The following RAB28 variants were observed in gnomAD, a reference collection of about 807,000 sequenced individuals.
RAB28 encodes ras-related protein Rab-28.
Under a neutral mutation model 31.7 loss-of-function variants are expected in RAB28, and 24 were observed. The observed-to-expected ratio is 0.76, with a 90% CI of 0.55 to 1.06. The LOEUF is 1.06. RAB28 is among the 50% of genes least tolerant of loss of function. The pLI, the probability that RAB28 is intolerant of heterozygous loss-of-function variation, is 0.00. For missense variants in RAB28, 254 were observed against 258.5 expected (o/e 0.98, Z 0.12); for synonymous variants, 100 against 90.4 (o/e 1.11, Z -0.60).
At position 13,460,630 on chromosome 4, in the gene RAB28, G is replaced by A. The variant is rs1715544697; in HGVS notation, c.391+69C>T. 3.2e-6 allele frequency: 5 copies of A among 1,574,554 alleles called. No homozygotes were observed. In the Admixed American group the frequency reaches 6.9e-5, roughly 22 times the overall value. On this transcript the variant is annotated intron_variant, in intron 4 of 6. Coordinates refer to ENST00000330852, the MANE Select transcript of RAB28 (RefSeq NM_001017979.3). ...TGACATATAAATTGGGGGTGGTGGG[G>A]GGACACAAACATTCTGTCCACAACA...
chr4:13,469,928 C>T (rs908620469), intron 3 of RAB28, among the ~76,000 whole-genome samples: 1 of 151,980 alleles, frequency 6.6e-6, no homozygotes, highest in African/African-American at 2.4e-5. Flanking sequence ...TAACTTCAAG[C>T]AATTGGCCTA....
At chr4:13,375,544 C>T (rs1239845707) in intron 6 of RAB28, among the ~76,000 whole-genome samples, 4 of 152,104 alleles carry the variant, frequency 2.6e-5, no homozygotes, top group Admixed American at 2.6e-4. Flanking sequence ...TTCCTATATT[C>T]TCCTAGGCCC....
chr4:13,419,688 G>A (rs1713005932), intron 4 of RAB28, among the ~76,000 whole-genome samples: 1 of 152,144 alleles, frequency 6.6e-6, no homozygotes, highest in Admixed American at 6.5e-5. Context: ...AAATAAAGAT[G>A]TTCTTTGAAA....
In RAB28 at chr4:13,370,145, A is replaced by G. The variant is rs577746600; in HGVS notation, c.574-1495T>C. ...CGCACACACAAACAGCAGAATGTAC[A>G]CATACAAAAGGAAAGAAAAGGAAAG... On this transcript the variant is annotated intron_variant, in intron 6 of 6. Coordinates refer to ENST00000330852, the MANE Select transcript of RAB28 (RefSeq NM_001017979.3). 2.7e-3 allele frequency: 2,652 copies of G among 979,800 alleles called. 4 individuals carry two copies. The highest frequency in any genetic ancestry group is 3.0e-3 in the Non-Finnish European group (2,483 of 824,960). 60.7% of individuals were successfully genotyped at this position (979,800 alleles called of 1,614,324 possible).
chr4:13,376,386 C>A (rs1454709844), intron 6 of RAB28, among the ~76,000 whole-genome samples, 159 bp downstream of exon 6: 1 of 152,070 alleles, frequency 6.6e-6, no homozygotes, highest in African/African-American at 2.4e-5. Context: ...TAACATTCTC[C>A]ATCTTCTGCA....
Position 13,407,287 on chromosome 4 carries a change from T to G in RAB28, c.392-25693A>C, listed in dbSNP as rs146427166. Reference sequence around the variant, plus strand: ...GAATCCTTTCCCCATTACTTGTTTTTGTCAGGTTTCTCAAAGATCAGATGG... The same window carrying G: ...GAATCCTTTCCCCATTACTTGTTTTGGTCAGGTTTCTCAAAGATCAGATGG... On this transcript the variant is annotated intron_variant, in intron 4 of 6. Transcript: ENST00000330852. Among the ~76,000 whole-genome samples, 525 of 152,340 alleles carry G rather than the reference T, an allele frequency of 3.4e-3. 3 individuals carry two copies. The highest frequency in any genetic ancestry group is 0.012 in the African/African-American group (484 of 41,578).
chr4:13,378,231 A>C (rs1728997449), intron 5 of RAB28, among the ~76,000 whole-genome samples: 1 of 152,182 alleles, frequency 6.6e-6, no homozygotes, highest in Non-Finnish European at 1.5e-5. Context: ...AGCAGGAAGA[A>C]AACCAGGAGG....
At chr4:13,441,866 T>C (rs1419988335) in intron 4 of RAB28, among the ~76,000 whole-genome samples, 1 of 152,232 alleles carries the variant, frequency 6.6e-6, no homozygotes, top group Admixed American at 6.5e-5. Flanking sequence ...TCTGGGTTAA[T>C]GCTAATTAAC....
chr4:13,468,413 G>GT (rs1486486655), intron 3 of RAB28, among the ~76,000 whole-genome samples: 6 of 151,730 alleles, frequency 4.0e-5, no homozygotes, highest in Non-Finnish European at 7.4e-5. Context: ...CCAGAAATCA[G>GT]TAACAGTAAA....
At chr4:13,406,615 C>T (rs1458418576) in intron 4 of RAB28, among the ~76,000 whole-genome samples, 3 of 152,292 alleles carry the variant, frequency 2.0e-5, no homozygotes, top group Admixed American at 6.5e-5. Flanking sequence ...TACACTCCCA[C>T]CAACAGTGTA....
intron 4 of RAB28, among the ~76,000 whole-genome samples, chr4:13,460,122 G>A (rs1715517706): frequency 6.6e-6 from 1 of 152,164 alleles, no homozygotes; most frequent in Non-Finnish European, 1.5e-5. Context: ...TTCTTTGTAG[G>A]AATTAAAACT....
intron 3 of RAB28, among the ~76,000 whole-genome samples, chr4:13,471,484 A>G (rs1467540950): frequency 6.6e-6 from 1 of 152,030 alleles, no homozygotes; most frequent in Admixed American, 6.6e-5. Context: ...AGCAGAAAAA[A>G]GTTATTATAT....
intron 4 of RAB28, among the ~76,000 whole-genome samples, chr4:13,452,383 A>G (rs1248438994): frequency 6.6e-6 from 1 of 151,748 alleles, no homozygotes; most frequent in South Asian, 2.1e-4. Flanking sequence ...AAATCCTTCC[A>G]GCTTTTTGAT....
At chr4:13,472,598 C>CTAT (rs1716170536) in intron 3 of RAB28, among the ~76,000 whole-genome samples, 1 of 151,780 alleles carries the variant, frequency 6.6e-6, no homozygotes, top group African/African-American at 2.4e-5. Context: ...TCATAAAAGA[C>CTAT]TATTCTATTT....
chr4:13,484,298 A>C lies in RAB28; in HGVS notation c.-148T>G, dbSNP rs892773377. The C allele has an allele frequency of 2.6e-5, 17 of 643,502 alleles. No homozygotes were observed. Among genetic ancestry groups the C allele is most frequent in the African/African-American group, 1.6e-4 (9 of 55,180 alleles). 39.9% of individuals were successfully genotyped at this position (643,502 alleles called of 1,614,324 possible). Reference sequence around the variant, plus strand: ...CGCCGGCAGGAGGTATTCGAGGAGAATCACTCGGCAAGCGCCATCTTGCCC... The same window carrying C: ...CGCCGGCAGGAGGTATTCGAGGAGACTCACTCGGCAAGCGCCATCTTGCCC... On this transcript the variant is annotated 5_prime_UTR_variant, in exon 1 of 7. Transcript: ENST00000330852.
intron 4 of RAB28, among the ~76,000 whole-genome samples, chr4:13,399,537 T>A (rs1421493099): frequency 6.6e-6 from 1 of 152,194 alleles, no homozygotes; most frequent in Admixed American, 6.5e-5. Context: ...GCTGTACCAA[T>A]TTATAATCCA....
At chr4:13,442,793 T>A (rs1275229248) in intron 4 of RAB28, among the ~76,000 whole-genome samples, 1 of 152,128 alleles carries the variant, frequency 6.6e-6, no homozygotes, top group Admixed American at 6.5e-5. Context: ...AATAATTTCC[T>A]TATGAGGTAG....
chr4:13,474,983 C>T (rs1716286509), intron 2 of RAB28, among the ~76,000 whole-genome samples: 1 of 151,576 alleles, frequency 6.6e-6, no homozygotes, highest in Non-Finnish European at 1.5e-5. Context: ...ATTTAACCCA[C>T]AAAATAGAAA....
chr4:13,463,850 A>C (rs963651438), intron 3 of RAB28, among the ~76,000 whole-genome samples: 3 of 152,148 alleles, frequency 2.0e-5, no homozygotes, highest in African/African-American at 7.2e-5. Flanking sequence ...ATTAAAATAT[A>C]AAAGGAATTA....
Sources: gnomAD v4.1 joint callset for allele counts (sites outside exome capture counted in the v4.1 genomes callset) on GRCh38, gnomAD v4.1.1 for gene constraint, MANE v1.5 for transcripts, NCBI Gene and HGNC (gene_info 2026-07-23, HGNC 2026-07-21) for gene names.